The following ZNF677 variants were observed in gnomAD, a reference collection of about 807,000 sequenced individuals.
The protein encoded by ZNF677 is zinc finger protein 677, also known as hypothetical protein MGC48625.
In ZNF677, 5 loss-of-function variants were observed where a neutral mutation model predicts 8.1. The observed-to-expected ratio is 0.62, with a 90% CI of 0.32 to 1.29. The LOEUF is 1.29. ZNF677 is among the 50% of genes most tolerant of loss of function. ZNF677 has a pLI of 0.05. For synonymous variants in ZNF677, 221 were observed against 225.6 expected (o/e 0.98, Z 0.18); for missense variants, 685 against 685.9 (o/e 1.00, Z 0.01).
Position 53,243,508 on chromosome 19 carries a change from A to G in ZNF677, c.169+236T>C, listed in dbSNP as rs555729985. 18 of 549,518 alleles carry G rather than the reference A, an allele frequency of 3.3e-5. No individual in the cohort carries two copies. In the African/African-American group the frequency reaches 3.3e-4, roughly 10 times the overall value. The allele number at this position is 549,518 out of a possible 1,614,324, so 34.0% of individuals were successfully genotyped here. ...TACCAGACACTTTAAAACGTTTTCC[A>G]TAAGGTTTTGTAAGTACTGATATTC... On this transcript the variant is annotated intron_variant, in intron 4 of 4. Transcript: ENST00000598513.
chr19:53,251,390 A>G (rs2091230972), intron 3 of ZNF677, 146 bp downstream of exon 3: 1 of 676,092 alleles, frequency 1.5e-6, no homozygotes, highest in South Asian at 1.8e-5. Flanking sequence ...GATGGAATCT[A>G]TGTGGAGATG....
intron 4 of ZNF677, chr19:53,241,717 C>A (rs1374199431): frequency 2.5e-6 from 1 of 395,042 alleles, no homozygotes; most frequent in African/African-American, 2.1e-5. Flanking sequence ...CATACTGGGA[C>A]ATGCAGGCTA....
intron 4 of ZNF677, 39 bp from the exon 5 acceptor site, chr19:53,238,596 T>TA (rs1369849128): frequency 1.3e-5 from 19 of 1,490,724 alleles, no homozygotes; most frequent in Non-Finnish European, 1.6e-5. Flanking sequence ...TTCCATCAAA[T>TA]AGAGTTGCAA....
chr19:53,250,846 C>G (rs960070563), intron 3 of ZNF677, among the ~76,000 whole-genome samples: 1 of 152,176 alleles, frequency 6.6e-6, no homozygotes, highest in Non-Finnish European at 1.5e-5. Context: ...ACATTTTTAT[C>G]TAAACACCCA....
intron 3 of ZNF677, 156 bp from the exon 4 acceptor site, chr19:53,244,053 T>G: frequency 1.4e-4 from 86 of 624,804 alleles, no homozygotes; most frequent in Middle Eastern, 2.7e-4. Flanking sequence ...TGAGATGAAA[T>G]TACATAACAT....
intron 4 of ZNF677, chr19:53,242,131 C>T: frequency 2.5e-6 from 1 of 395,416 alleles, no homozygotes. Flanking sequence ...GGGGTTTTTC[C>T]ATGTTAGTCA....
chr19:53,241,835 A>G (rs1163119477), intron 4 of ZNF677: 2 of 398,590 alleles, frequency 5.0e-6, no homozygotes, highest in African/African-American at 4.1e-5. Context: ...AACCTCTTCC[A>G]TGGGAGAGTC....
rs2090973816 is a variant in ZNF677, at chr19:53,236,522, A to G, written c.*450T>C. 1 of 153,040 alleles carries G rather than the reference A, an allele frequency of 6.5e-6. No homozygotes were observed. The highest frequency in any genetic ancestry group is 2.4e-5 in the African/African-American group (1 of 41,462). 9.5% of individuals were successfully genotyped at this position (153,040 alleles called of 1,614,324 possible). A position where few individuals can be genotyped will look rare whatever the true frequency, so the allele number is the denominator to read the frequency against. On this transcript the variant is annotated 3_prime_UTR_variant, in exon 5 of 5. Coordinates refer to ENST00000598513, the MANE Select transcript of ZNF677 (RefSeq NM_182609.4). Reference sequence around the variant, plus strand: ...TCACTTAATCTTCAAGAAGGAAAAAAGACTTAGTTCCCTCTAGCCTGAATT... The same window carrying G: ...TCACTTAATCTTCAAGAAGGAAAAAGGACTTAGTTCCCTCTAGCCTGAATT...
chr19:53,246,486 GTACACA>G (rs1163505634), intron 3 of ZNF677, among the ~76,000 whole-genome samples: 4 of 102,344 alleles, frequency 3.9e-5, no homozygotes, highest in South Asian at 7.2e-4. Context: ...TAAAGAAAAT[GTACACA>G]CACACACACA....
At chr19:53,242,505 C>A in intron 4 of ZNF677, 1 of 397,876 alleles carries the variant, frequency 2.5e-6, no homozygotes, top group Admixed American at 4.4e-5. Flanking sequence ...TCTGTCAAGT[C>A]TTTACATTAA....
intron 3 of ZNF677, among the ~76,000 whole-genome samples, chr19:53,246,296 T>A (rs1429839330): frequency 8.8e-6 from 1 of 114,022 alleles, no homozygotes; most frequent in Non-Finnish European, 1.7e-5. Flanking sequence ...CCAGCCTGGG[T>A]GACAGAGCGA....
intron 3 of ZNF677, 66 bp downstream of exon 3, chr19:53,251,470 C>G: frequency 7.1e-7 from 1 of 1,399,084 alleles, no homozygotes; most frequent in Non-Finnish European, 1.0e-6. Flanking sequence ...ATAAAATTAG[C>G]AAGTCCAAAA....
At position 53,252,059 on chromosome 19, in the gene ZNF677, G is replaced by A. The variant is rs868375172; in HGVS notation, c.-55-454C>T. 3.4e-4 allele frequency among the ~76,000 whole-genome samples: 52 copies of A among 152,254 alleles called. No individual in the cohort carries two copies. In the Middle Eastern group the frequency reaches 0.031, roughly 90 times the overall value. ...GGGGGAAAGCATAAAAAGATATAAC[G>A]CCAGGAGATGACATAATAAAACTTA... On this transcript the variant is annotated intron_variant, in intron 2 of 4. Coordinates refer to ENST00000598513, the MANE Select transcript of ZNF677 (RefSeq NM_182609.4).
At chr19:53,248,418 G>A (rs1483842322) in intron 3 of ZNF677, among the ~76,000 whole-genome samples, 1 of 152,096 alleles carries the variant, frequency 6.6e-6, no homozygotes, top group Non-Finnish European at 1.5e-5. Flanking sequence ...GTATTAATTT[G>A]TTTTTATGGC....
At chr19:53,242,025 G>C (rs1006490285) in intron 4 of ZNF677, 2 of 392,842 alleles carry the variant, frequency 5.1e-6, no homozygotes, top group East Asian at 3.6e-5. Context: ...TCTGCCTCTC[G>C]GGTTCAAGCA....
intron 3 of ZNF677, among the ~76,000 whole-genome samples, chr19:53,246,349 A>T (rs1250875153): frequency 6.6e-6 from 1 of 150,936 alleles, no homozygotes; most frequent in Non-Finnish European, 1.5e-5. Flanking sequence ...TAGTAATTCC[A>T]CTTCTGGGTA....
rs2091235996 is a variant in ZNF677, at chr19:53,251,657, C to A, written c.-55-52G>T. 18 of 1,300,536 alleles carry A rather than the reference C, an allele frequency of 1.4e-5. No homozygotes were observed. The South Asian group carries it at 1.9e-4, about 14-fold the overall frequency. The allele number at this position is 1,300,536 out of a possible 1,614,324, so 80.6% of individuals were successfully genotyped here. A position where few individuals can be genotyped will look rare whatever the true frequency, so the allele number is the denominator to read the frequency against. On this transcript the variant is annotated intron_variant, in intron 2 of 4. Transcript: ENST00000598513. The stretch of plus-strand genomic sequence containing the variant: ...TGCTTAAAATCAACACACCCCCTGC[C>A]TCTACCACACACACACAGGAAGAGG...
At position 53,237,983 on chromosome 19, in the gene ZNF677, T is replaced by C. The variant is rs2146930213; in HGVS notation, c.744A>G (p.Leu248=). 6.2e-7 allele frequency: 1 copy of C among 1,612,982 alleles called. No homozygotes were observed. The change falls in exon 5 of 5, where the codon TTA becomes TTG. Residue 248 remains leucine (L), a synonymous_variant. Transcript: ENST00000598513. ...NKYRKILKYP[L]LHTQYGRTHI... is the part of the protein sequence containing the mutation. ...GTGTTCTCCCATACTGTGTATGTAA[T>C]AAAGGGTATTTCAAAATCTTCCTAT... is the stretch of plus-strand genomic sequence containing the variant.
rs1409796148 is a variant in ZNF677 at position 53,236,644 on chromosome 19, A to G, written c.*328T>C. 1 of 175,552 alleles carries G rather than the reference A, an allele frequency of 5.7e-6. No homozygotes were observed. Among genetic ancestry groups the G allele is most frequent in the East Asian group, 1.6e-4 (1 of 6,306 alleles). The allele number at this position is 175,552 out of a possible 1,614,324, so 10.9% of individuals were successfully genotyped here. ...CTTGTAATGCTTCTCTCCAATATGA[A>G]TGGTGTATCCTGAAGTCAGAACATT... On this transcript the variant is annotated 3_prime_UTR_variant, in exon 5 of 5. Transcript: ENST00000598513.
Sources: allele counts gnomAD v4.1 joint callset (sites outside exome capture counted in the v4.1 genomes callset), GRCh38; gene constraint gnomAD v4.1.1; transcripts MANE v1.5; gene names NCBI Gene and HGNC (gene_info 2026-07-23, HGNC 2026-07-21).